PTPRD: variants seen among roughly 807,000 people sequenced by gnomAD.
PTPRD encodes receptor-type tyrosine-protein phosphatase delta.
Under a neutral mutation model 214.5 loss-of-function variants are expected in PTPRD, and 34 were observed. The observed-to-expected ratio is 0.16, with a 90% CI of 0.12 to 0.21. The LOEUF is 0.21. PTPRD is among the 10% of genes least tolerant of loss of function. The probability of loss-of-function intolerance (pLI) is 1.00; values close to 1 mark genes in which losing one functional copy is unlikely to be tolerated. For missense variants in PTPRD, 2,545 were observed against 2,398.7 expected, an observed-to-expected ratio of 1.06 and a Z score of -1.27; for synonymous variants, 1,128 against 845.7, an observed-to-expected ratio of 1.33 and a Z score of -5.79.
chr9:10,197,233 G>A (rs932067803), intron 3 of PTPRD, among the ~76,000 whole-genome samples: 13 of 152,120 alleles, frequency 8.5e-5, no homozygotes, highest in Middle Eastern at 3.4e-3. Flanking sequence ...GATGCATTCT[G>A]TTTATGATAA....
chr9:8,832,400 CTAAAATCATCTTTTTTTTTT>C (rs2097313218), intron 11 of PTPRD, among the ~76,000 whole-genome samples: 1 of 117,710 alleles, frequency 8.5e-6, no homozygotes, highest in Non-Finnish European at 1.7e-5. Flanking sequence ...CAAGGGGCAG[CTAAAATCATCTTTTTTTTTT>C]TTTTTTTTTG....
At chr9:8,549,018 G>T (rs1293422535) in intron 14 of PTPRD, among the ~76,000 whole-genome samples, 1 of 152,004 alleles carries the variant, frequency 6.6e-6, no homozygotes, top group Non-Finnish European at 1.5e-5. Context: ...AACCAAGGAA[G>T]TAAAAGAAAA....
chr9:8,442,034 C>T (rs1251159160), intron 34 of PTPRD, among the ~76,000 whole-genome samples: 1 of 152,134 alleles, frequency 6.6e-6, no homozygotes, highest in East Asian at 1.9e-4. Context: ...AGTGTCAATA[C>T]AGGGCCTTAA....
intron 11 of PTPRD, among the ~76,000 whole-genome samples, chr9:8,769,510 T>C (rs906130693): frequency 6.6e-6 from 1 of 152,196 alleles, no homozygotes; most frequent in African/African-American, 2.4e-5. Context: ...TGTAGTTGTG[T>C]GGTTCTCCCT....
intron 2 of PTPRD, among the ~76,000 whole-genome samples, chr9:10,578,492 G>A (rs141666325): frequency 1.4e-4 from 21 of 151,972 alleles, no homozygotes; most frequent in African/African-American, 3.9e-4. Context: ...ATCAATACAC[G>A]ATTCAAAAAC....
chr9:10,556,200 T>C (rs370758040), intron 2 of PTPRD, among the ~76,000 whole-genome samples: 1 of 152,084 alleles, frequency 6.6e-6, no homozygotes, highest in East Asian at 1.9e-4. Flanking sequence ...CTGATCTAAA[T>C]GTCAAACTTT....
At chr9:9,950,309 T>C (rs2093322061) in intron 4 of PTPRD, among the ~76,000 whole-genome samples, 1 of 152,156 alleles carries the variant, frequency 6.6e-6, no homozygotes, top group African/African-American at 2.4e-5. Context: ...TGTAGAAGTG[T>C]GGGGAGTTCA....
chr9:8,902,262 G>C (rs1341073437), intron 11 of PTPRD, among the ~76,000 whole-genome samples: 3 of 152,078 alleles, frequency 2.0e-5, no homozygotes, highest in African/African-American at 7.2e-5. Context: ...TGACCTTAGA[G>C]ATGATTAGCA....
chr9:9,337,809 A>G (rs979466114), intron 9 of PTPRD, among the ~76,000 whole-genome samples: 2 of 152,204 alleles, frequency 1.3e-5, no homozygotes, highest in Non-Finnish European at 2.9e-5. Context: ...CTTGCTAACT[A>G]CATTATAAGT....
chr9:10,206,279 A>T (rs2099477752), intron 3 of PTPRD, among the ~76,000 whole-genome samples: 1 of 152,172 alleles, frequency 6.6e-6, no homozygotes, highest in South Asian at 2.1e-4. Flanking sequence ...GGTGCTGTGG[A>T]TGTATGTAAA....
chr9:9,119,851 T>C (rs890635942), intron 10 of PTPRD, among the ~76,000 whole-genome samples: 2 of 151,386 alleles, frequency 1.3e-5, no homozygotes, highest in Non-Finnish European at 1.5e-5. Context: ...TTTTTTTTAA[T>C]CTCACAGAGA....
intron 11 of PTPRD, among the ~76,000 whole-genome samples, chr9:8,757,284 T>G (rs1038453231): frequency 3.9e-5 from 6 of 152,160 alleles, no homozygotes; most frequent in African/African-American, 1.4e-4. Flanking sequence ...ATAGGGAATG[T>G]GAACAATTAG....
chr9:10,130,555 C>G (rs890070534), intron 3 of PTPRD, among the ~76,000 whole-genome samples: 2 of 152,120 alleles, frequency 1.3e-5, no homozygotes, highest in African/African-American at 4.8e-5. Flanking sequence ...ACTTAGTCAT[C>G]AACCAAATAT....
In PTPRD at chr9:9,986,614, C is replaced by T. The variant is rs993365603; in HGVS notation, c.-472+47104G>A. ...TTTTCTTAATATGTGCATATATTACCTAAATTTTTAGGTTGAATATAAGTT... is the reference window on the plus strand; with the variant it reads ...TTTTCTTAATATGTGCATATATTACTTAAATTTTTAGGTTGAATATAAGTT... On this transcript the variant is annotated intron_variant, in intron 4 of 45. Coordinates refer to ENST00000381196, the MANE Select transcript of PTPRD (RefSeq NM_002839.4). Among the ~76,000 whole-genome samples the T allele has an allele frequency of 2.0e-5, 3 of 152,008 alleles. No individual in the cohort carries two copies. In the East Asian group the frequency reaches 5.8e-4, roughly 29 times the overall value.
At chr9:8,843,828 G>C (rs2097623638) in intron 11 of PTPRD, among the ~76,000 whole-genome samples, 1 of 152,138 alleles carries the variant, frequency 6.6e-6, no homozygotes, top group Non-Finnish European at 1.5e-5. Flanking sequence ...AGCCCAGAAA[G>C]GACTGGCCTT....
At chr9:8,859,986 C>A (rs10759007) in intron 11 of PTPRD, 83,509 of 151,872 alleles carry the variant, frequency 0.55, 23,280 homozygotes, top group East Asian at 0.76. Flanking sequence ...GATGATGGAC[C>A]CTTGCCCCCT....
rs1245284728 is a variant in PTPRD at position 10,231,989 on chromosome 9, A to AGAGAGAGAGAGTGTGTGTGTGT, written c.-545+108973_-545+108974insACACACACACACTCTCTCTCTC. Among the ~76,000 whole-genome samples, 123 of 92,468 alleles carry AGAGAGAGAGAGTGTGTGTGTGT rather than the reference A, an allele frequency of 1.3e-3. 1 individual carries two copies. Among genetic ancestry groups the AGAGAGAGAGAGTGTGTGTGTGT allele is most frequent in the African/African-American group, 5.8e-3 (109 of 18,932 alleles). The allele number at this position is 92,468 out of a possible 152,430, so 60.7% of individuals were successfully genotyped here. ...GAGAGAGAGAGAGAGAGAGAGAGAG[A>AGAGAGAGAGAGTGTGTGTGTGT]GTGTGTGTGTGTGTGTGTGTGTGTG... On this transcript the variant is annotated intron_variant, in intron 3 of 45. Transcript: ENST00000381196.
intron 5 of PTPRD, among the ~76,000 whole-genome samples, chr9:9,794,056 A>G (rs1004139104): frequency 4.6e-5 from 7 of 152,148 alleles, no homozygotes; most frequent in African/African-American, 1.4e-4. Flanking sequence ...GTTAAAAAAT[A>G]CGTGTTTGGC....
At chr9:8,975,579 C>G (rs540016593) in intron 11 of PTPRD, among the ~76,000 whole-genome samples, 1 of 151,942 alleles carries the variant, frequency 6.6e-6, no homozygotes, top group African/African-American at 2.4e-5. Flanking sequence ...CAGGAAAGGA[C>G]TGAGTTTTTT....
Sources: allele counts gnomAD v4.1 joint callset (sites outside exome capture counted in the v4.1 genomes callset), GRCh38; gene constraint gnomAD v4.1.1; transcripts MANE v1.5; gene names NCBI Gene and HGNC (gene_info 2026-07-23, HGNC 2026-07-21).